The following ARHGAP8 variants were observed in gnomAD, a reference collection of about 807,000 sequenced individuals.
The protein encoded by ARHGAP8 is rho GTPase-activating protein 8.
In ARHGAP8, 62 loss-of-function variants were observed where a neutral mutation model predicts 46.1. The ratio of observed to expected loss-of-function variants is 1.34; its 90% confidence interval spans 1.10 to 1.66. The LOEUF is 1.66. Among genes scored for constraint, ARHGAP8 ranks in the 40% most tolerant of loss-of-function variants. The pLI is 0.00. For synonymous variants in ARHGAP8, 375 were observed against 243.1 expected (o/e 1.54, Z -5.05); for missense variants, 923 against 568.4 (o/e 1.62, Z -6.34).
intron 2 of ARHGAP8, among the ~76,000 whole-genome samples, chr22:44,799,149 GCCCC>G: frequency 6.6e-6 from 1 of 152,314 alleles, no homozygotes; most frequent in South Asian, 2.1e-4. Context: ...ACAGCCCCCC[GCCCC>G]TGTGCTGGGC....
chr22:44,817,673 G>A (rs1194237664), intron 5 of ARHGAP8, among the ~76,000 whole-genome samples: 1 of 152,056 alleles, frequency 6.6e-6, no homozygotes, highest in African/African-American at 2.4e-5. Context: ...GTGTGGTGGT[G>A]GGCGCGTATA....
intron 10 of ARHGAP8, among the ~76,000 whole-genome samples, chr22:44,851,525 G>C (rs112317875): frequency 0.01 from 1,579 of 151,900 alleles, 11 homozygotes; most frequent in Middle Eastern, 0.034. Context: ...TTATGAAAAT[G>C]AAGAAAATGA....
At chr22:44,858,241 A>G (rs2070293690) in intron 10 of ARHGAP8, among the ~76,000 whole-genome samples, 1 of 152,176 alleles carries the variant, frequency 6.6e-6, no homozygotes, top group African/African-American at 2.4e-5. Context: ...TGGGAGGGTG[A>G]TTGGTGTGTT....
At chr22:44,762,542 TC>T (rs1925213883) in intron 1 of ARHGAP8, among the ~76,000 whole-genome samples, 1 of 120,140 alleles carries the variant, frequency 8.3e-6, no homozygotes, top group Admixed American at 9.8e-5. Context: ...TCTCTCTCTC[TC>T]TTTTTTTTTT....
At chr22:44,778,715 C>T (rs1392783145) in intron 1 of ARHGAP8, among the ~76,000 whole-genome samples, 1 of 152,124 alleles carries the variant, frequency 6.6e-6, no homozygotes, top group African/African-American at 2.4e-5. Flanking sequence ...TTGATTATGG[C>T]CATTCTTCCT....
intron 1 of ARHGAP8, among the ~76,000 whole-genome samples, chr22:44,766,550 G>A (rs1256204000): frequency 6.6e-6 from 1 of 152,140 alleles, no homozygotes; most frequent in African/African-American, 2.4e-5. Flanking sequence ...GTGTCTGCAT[G>A]TGGGCATGCG....
chr22:44,782,622 A>G (rs1159719903), intron 1 of ARHGAP8, among the ~76,000 whole-genome samples: 1 of 151,956 alleles, frequency 6.6e-6, no homozygotes, highest in East Asian at 1.9e-4. Context: ...GGTTTCTTTC[A>G]CTGAATAGAG....
chr22:44,861,693 A>C (rs2070493628), intron 11 of ARHGAP8, among the ~76,000 whole-genome samples: 2 of 152,136 alleles, frequency 1.3e-5, no homozygotes, highest in South Asian at 4.1e-4. Flanking sequence ...GCCCCCTGCC[A>C]CTGGCTGGCC....
intron 1 of ARHGAP8, among the ~76,000 whole-genome samples, chr22:44,761,413 A>G (rs1925125340): frequency 6.6e-6 from 1 of 152,246 alleles, no homozygotes; most frequent in Admixed American, 6.5e-5. Context: ...TATTCCCTAA[A>G]CAACACAATG....
Position 44,818,707 on chromosome 22 carries a change from C to CT in ARHGAP8, c.387-3655dup, listed in dbSNP as rs201353111. On this transcript the variant is annotated intron_variant, in intron 5 of 11. Coordinates refer to ENST00000356099, the MANE Select transcript of ARHGAP8 (RefSeq NM_181335.3). ...ATTTTTCTTCCTTCCTTCCTTTTCT[C>CT]TTTTTTTTTCATAGGTTCTTGTTCC... Among the ~76,000 whole-genome samples the CT allele has an allele frequency of 1.5e-4, 22 of 151,342 alleles. No homozygotes were observed. In the South Asian group the frequency reaches 1.9e-3, roughly 13 times the overall value.
intron 4 of ARHGAP8, among the ~76,000 whole-genome samples, chr22:44,810,837 C>T (rs1403737952): frequency 6.6e-6 from 1 of 152,076 alleles, no homozygotes; most frequent in Non-Finnish European, 1.5e-5. Flanking sequence ...GGGAGGGGCA[C>T]AGAGGATGCT....
intron 1 of ARHGAP8, among the ~76,000 whole-genome samples, chr22:44,763,807 T>C (rs535485298): frequency 6.7e-6 from 1 of 148,806 alleles, no homozygotes; most frequent in Non-Finnish European, 1.5e-5. Context: ...CTTTTCTTTT[T>C]TTTTTTTTTT....
chr22:44,848,425 C>T (rs971943552), intron 9 of ARHGAP8, among the ~76,000 whole-genome samples: 2 of 152,250 alleles, frequency 1.3e-5, no homozygotes, highest in African/African-American at 4.8e-5. Flanking sequence ...CCATGTGTAA[C>T]CCGCAGGCAG....
chr22:44,767,733 C>T (rs1925685233), intron 1 of ARHGAP8, among the ~76,000 whole-genome samples: 1 of 151,310 alleles, frequency 6.6e-6, no homozygotes, highest in South Asian at 2.1e-4. Flanking sequence ...ATTAGCCGGG[C>T]GCAGAGGTGC....
At chr22:44,768,362 C>A (rs1925749227) in intron 1 of ARHGAP8, among the ~76,000 whole-genome samples, 1 of 151,996 alleles carries the variant, frequency 6.6e-6, no homozygotes, top group African/African-American at 2.4e-5. Flanking sequence ...GGCAGTGGCG[C>A]AATCAGCCTC....
chr22:44,841,830 G>A (rs1250877233), intron 7 of ARHGAP8, among the ~76,000 whole-genome samples: 3 of 152,182 alleles, frequency 2.0e-5, no homozygotes, highest in African/African-American at 7.2e-5. Flanking sequence ...CCCACAGCAG[G>A]GCACATGGCC....
intron 7 of ARHGAP8, among the ~76,000 whole-genome samples, chr22:44,826,772 G>A (rs990521900): frequency 6.6e-6 from 1 of 152,158 alleles, no homozygotes; most frequent in Non-Finnish European, 1.5e-5. Flanking sequence ...GAGAACTGAG[G>A]AGGCTCTGGG....
chr22:44,807,841 C>T (rs1010539194), intron 3 of ARHGAP8, among the ~76,000 whole-genome samples: 1 of 152,192 alleles, frequency 6.6e-6, no homozygotes, highest in African/African-American at 2.4e-5. Flanking sequence ...CTGTCGTCGA[C>T]ACTCTGCTTT....
intron 2 of ARHGAP8, among the ~76,000 whole-genome samples, chr22:44,790,068 G>C (rs1927548284): frequency 6.6e-6 from 1 of 152,186 alleles, no homozygotes; most frequent in African/African-American, 2.4e-5. Flanking sequence ...GGTCAGCAGA[G>C]GAATTTGCAT....
Sources: gnomAD v4.1 joint callset for allele counts (sites outside exome capture counted in the v4.1 genomes callset) on GRCh38, gnomAD v4.1.1 for gene constraint, MANE v1.5 for transcripts, NCBI Gene and HGNC (gene_info 2026-07-23, HGNC 2026-07-21) for gene names.